IL1RAPL2: variants seen among roughly 807,000 people sequenced by gnomAD.
IL1RAPL2 encodes the protein X-linked interleukin-1 receptor accessory protein-like 2.
IL1RAPL2 carries 3 observed loss-of-function variants against 44.1 expected under a neutral mutation model. The ratio of observed to expected loss-of-function variants is 0.07; its 90% CI spans 0.03 to 0.18. IL1RAPL2 has a LOEUF of 0.18. Among genes scored for constraint, IL1RAPL2 ranks in the 10% least tolerant of loss-of-function variants. IL1RAPL2 has a pLI of 1.00. For synonymous variants in IL1RAPL2, 181 were observed against 178.8 expected (o/e 1.01, Z -0.10); for missense variants, 391 against 496.4 (o/e 0.79, Z 2.02).
intron 8 of IL1RAPL2, among the ~76,000 whole-genome samples, chrX:105,741,171 T>C (rs5962577): frequency 0.25 from 27,882 of 111,184 alleles, 4,797 homozygotes; most frequent in African/African-American, 0.63. Flanking sequence ...ATGATATGAC[T>C]TGGTATTAAG....
intron 7 of IL1RAPL2, among the ~76,000 whole-genome samples, chrX:105,727,771 C>A (rs1330299314): frequency 9.0e-6 from 1 of 111,600 alleles, no homozygotes; most frequent in African/African-American, 3.2e-5. Flanking sequence ...ATTAATACTT[C>A]CCAGCTTACC....
intron 2 of IL1RAPL2, among the ~76,000 whole-genome samples, chrX:105,032,274 G>T (rs2031517633): frequency 9.3e-6 from 1 of 107,940 alleles, no homozygotes; most frequent in Non-Finnish European, 1.9e-5. Flanking sequence ...GCTAGCTTTT[G>T]AATGTGTTTG....
intron 4 of IL1RAPL2, among the ~76,000 whole-genome samples, chrX:105,245,698 G>T (rs781296031): frequency 2.7e-5 from 3 of 112,569 alleles, no homozygotes; most frequent in African/African-American, 9.7e-5. Context: ...TGAGCACCCT[G>T]TTGTCACAGA....
chrX:105,588,855 A>C (rs2147817516), intron 6 of IL1RAPL2, among the ~76,000 whole-genome samples: 1 of 111,958 alleles, frequency 8.9e-6, no homozygotes, highest in South Asian at 3.7e-4. Context: ...GAACATGCGT[A>C]CATGTGTCTT....
chrX:105,540,935 CATATATTATATATGATATATAAAT>C lies in IL1RAPL2; in HGVS notation c.772+56552_772+56575del, dbSNP rs2036727961. On this transcript the variant is annotated intron_variant, in intron 6 of 10. Transcript: ENST00000372582. The stretch of plus-strand genomic sequence containing the variant: ...TATTATATATGATATATAATATATA[CATATATTATATATGATATATAAAT>C]ATAGATTATATGTTAGATTATATAT... Among the ~76,000 whole-genome samples, 17 of 83,466 alleles carry C rather than the reference CATATATTATATATGATATATAAAT, an allele frequency of 2.0e-4. 1 individual carries two copies. The allele number at this position is 83,466 out of a possible 115,157, so 72.5% of individuals were successfully genotyped here. A position where few individuals can be genotyped will look rare whatever the true frequency, so the allele number is the denominator to read the frequency against.
chrX:105,557,282 A>G (rs2036903090), intron 6 of IL1RAPL2, among the ~76,000 whole-genome samples: 1 of 111,474 alleles, frequency 9.0e-6, no homozygotes, highest in Non-Finnish European at 1.9e-5. Context: ...CCCAAAGTCT[A>G]TTAAATGAAA....
chrX:104,783,677 C>T (rs755424998), intron 2 of IL1RAPL2, among the ~76,000 whole-genome samples: 16 of 108,299 alleles, frequency 1.5e-4, no homozygotes, highest in Non-Finnish European at 2.7e-4. Context: ...TTATTTCTAC[C>T]GGAATTTCCA....
intron 2 of IL1RAPL2, among the ~76,000 whole-genome samples, chrX:104,884,072 G>C (rs779484714): frequency 9.1e-6 from 1 of 110,069 alleles, no homozygotes; most frequent in Admixed American, 9.6e-5. Flanking sequence ...CGCTAAATCC[G>C]ATTTTTCTCA....
intron 4 of IL1RAPL2, among the ~76,000 whole-genome samples, chrX:105,242,185 C>T (rs2034176051): frequency 9.0e-6 from 1 of 111,648 alleles, no homozygotes. Context: ...TTTCAAAAGT[C>T]AAAGGAGCAG....
intron 5 of IL1RAPL2, among the ~76,000 whole-genome samples, chrX:105,447,212 TATATA>T (rs1402633618): frequency 0.018 from 22 of 1,215 alleles, 2 homozygotes; most frequent in South Asian, 0.14. Context: ...TATATAAATA[TATATA>T]AAATATATAT....
At chrX:105,751,681 T>C (rs1438566425) in intron 9 of IL1RAPL2, among the ~76,000 whole-genome samples, 1 of 111,724 alleles carries the variant, frequency 9.0e-6, no homozygotes, top group Non-Finnish European at 1.9e-5. Flanking sequence ...TTAGGAAGGA[T>C]GGTTAAAATA....
chrX:104,737,241 C>G (rs1932029729), intron 2 of IL1RAPL2, among the ~76,000 whole-genome samples: 1 of 112,115 alleles, frequency 8.9e-6, no homozygotes, highest in Non-Finnish European at 1.9e-5. Flanking sequence ...ATTCTAACAA[C>G]AATAAGAACA....
chrX:104,743,041 A>G (rs773178943), intron 2 of IL1RAPL2, among the ~76,000 whole-genome samples: 1 of 111,637 alleles, frequency 9.0e-6, no homozygotes, highest in Admixed American at 9.5e-5. Context: ...TTGTAGAAAT[A>G]TAGACTGACA....
rs199606092 is a variant in IL1RAPL2 at position 105,680,822 on chromosome X, A to AAAGAT, written c.773-36543_773-36539dup. 1.1e-3 allele frequency among the ~76,000 whole-genome samples: 128 copies of AAAGAT among 112,160 alleles called. 1 individual carries two copies. In the East Asian group the frequency reaches 0.025, roughly 22 times the overall value. On this transcript the variant is annotated intron_variant, in intron 6 of 10. Coordinates refer to ENST00000372582, the MANE Select transcript of IL1RAPL2 (RefSeq NM_017416.2). ...GGTAACAGCCAAGACTCCTATAACA[A>AAAGAT]AAGATAGGTTAACAAGAGACAAGCA...
At chrX:104,825,181 C>T (rs1921419783) in intron 2 of IL1RAPL2, among the ~76,000 whole-genome samples, 1 of 111,375 alleles carries the variant, frequency 9.0e-6, no homozygotes, top group Non-Finnish European at 1.9e-5. Context: ...TGACCTGACA[C>T]AGCAGAGGTT....
At chrX:104,582,822 C>CTCTTTCTTTCCTTCTTTCTT (rs1928424211) in intron 1 of IL1RAPL2, among the ~76,000 whole-genome samples, 1 of 40,663 alleles carries the variant, frequency 2.5e-5, no homozygotes, top group African/African-American at 1.1e-4. Flanking sequence ...TCCTTTCTTT[C>CTCTTTCTTTCCTTCTTTCTT]TCTTTCTTTC....
chrX:104,727,336 AATC>A (rs1931816162), intron 2 of IL1RAPL2, among the ~76,000 whole-genome samples: 1 of 111,435 alleles, frequency 9.0e-6, no homozygotes, highest in African/African-American at 3.3e-5. Flanking sequence ...TGAAAAAAAT[AATC>A]ATCATCACTA....
At chrX:105,143,409 C>T (rs1185024481) in intron 2 of IL1RAPL2, among the ~76,000 whole-genome samples, 1 of 112,051 alleles carries the variant, frequency 8.9e-6, no homozygotes, top group African/African-American at 3.2e-5. Flanking sequence ...CATCTCACAC[C>T]AGTTAGAATG....
At chrX:105,029,309 G>C (rs1353865535) in intron 2 of IL1RAPL2, among the ~76,000 whole-genome samples, 3 of 104,054 alleles carry the variant, frequency 2.9e-5, no homozygotes, top group African/African-American at 7.0e-5. Flanking sequence ...GTGCAGGTTT[G>C]TTACATATGT....
Sources: allele counts gnomAD v4.1 joint callset (sites outside exome capture counted in the v4.1 genomes callset), GRCh38; gene constraint gnomAD v4.1.1; transcripts MANE v1.5; gene names NCBI Gene and HGNC (gene_info 2026-07-23, HGNC 2026-07-21).